KLF16: variants seen among roughly 807,000 people sequenced by gnomAD.
KLF16 encodes the protein Krueppel-like factor 16.
A neutral mutation model predicts 6.1 loss-of-function variants in KLF16; 6 were observed. The ratio of observed to expected loss-of-function variants is 0.98; its 90% CI spans 0.54 to 1.93. The LOEUF (loss-of-function observed/expected upper bound fraction) is 1.93. Among genes scored for constraint, KLF16 ranks in the 30% most tolerant of loss-of-function variants. The pLI, the probability that KLF16 is intolerant of heterozygous loss-of-function variation, is 0.01. For missense variants in KLF16, 355 were observed against 363.8 expected (o/e 0.98, Z 0.20); for synonymous variants, 211 against 176.5 (o/e 1.20, Z -1.55).
the KLF16 span, among the ~76,000 whole-genome samples, chr19:1,874,644 G>GA: frequency 7.2e-6 from 1 of 138,654 alleles, no homozygotes; most frequent in Non-Finnish European, 1.6e-5. Context: ...TTAGCTTAAA[G>GA]AAAAAAATAC....
At position 1,855,275 on chromosome 19, in the gene KLF16, AG is replaced by A. The variant is rs1344901251; in HGVS notation, c.458-516del. 4.6e-5 allele frequency among the ~76,000 whole-genome samples: 7 copies of A among 152,182 alleles called. No homozygotes were observed. In the East Asian group the frequency reaches 5.8e-4, roughly 13 times the overall value. ...CACCTGGGATGCAAAGGCTGGGTTA[AG>A]GGGGTACAATCATGGCAACCTCCCT... On this transcript the variant is annotated intron_variant, in intron 1 of 1. Transcript: ENST00000250916.
chr19:1,860,627 G>A (rs991271857), intron 1 of KLF16, among the ~76,000 whole-genome samples: 1 of 152,062 alleles, frequency 6.6e-6, no homozygotes. Context: ...GATCTTTCCC[G>A]GCCTCCACTC....
chr19:1,857,883 G>A lies in KLF16; in HGVS notation c.458-3123C>T, dbSNP rs1194710703. Among the ~76,000 whole-genome samples, 2 of 152,040 alleles carry A rather than the reference G, an allele frequency of 1.3e-5. No homozygotes were observed. The highest frequency in any genetic ancestry group is 2.4e-5 in the African/African-American group (1 of 41,382). On this transcript the variant is annotated intron_variant, in intron 1 of 1. Transcript: ENST00000250916. The surrounding 1 kb of genome is among the most constrained non-coding windows in gnomAD (Gnocchi z 4.7). ...AGGTGATCCTTGAGCAGGTTCTATA[G>A]AACCTATAGGCAGCTGCTTCTGGGA... is the stretch of plus-strand genomic sequence containing the variant.
rs563583442 is a variant in KLF16, at chr19:1,854,376, G to A, written c.*83C>T. The A allele has an allele frequency of 4.8e-5, 65 of 1,353,476 alleles. No individual in the cohort carries two copies. The South Asian group carries it at 1.1e-3, about 22-fold the overall frequency. The allele number at this position is 1,353,476 out of a possible 1,614,324, so 83.8% of individuals were successfully genotyped here. On this transcript the variant is annotated 3_prime_UTR_variant, in exon 2 of 2. Transcript: ENST00000250916. ...CTTCAGGGTTTGCCCACGGCTGGAAGGGGCCCAGGCTCCCCGTGGGTCCTC... is the reference window on the plus strand; with the variant it reads ...CTTCAGGGTTTGCCCACGGCTGGAAAGGGCCCAGGCTCCCCGTGGGTCCTC...
In KLF16 at chr19:1,853,418, C is replaced by G. The variant is rs1271427589; in HGVS notation, c.*1041G>C. The G allele has an allele frequency of 6.6e-6, 1 of 152,490 alleles. No individual in the cohort carries two copies. Among genetic ancestry groups the G allele is most frequent in the Non-Finnish European group, 1.5e-5 (1 of 68,150 alleles). 9.4% of individuals were successfully genotyped at this position (152,490 alleles called of 1,614,324 possible). A position where few individuals can be genotyped will look rare whatever the true frequency, so the allele number is the denominator to read the frequency against. On this transcript the variant is annotated 3_prime_UTR_variant, in exon 2 of 2. Transcript: ENST00000250916. ...AAGCACCCAGGAGAAGGAGGGGAGG[C>G]CAGGGAAGCAGGGCCGGGCCAGGCT...
upstream of KLF16, among the ~76,000 whole-genome samples, chr19:1,863,786 G>T (rs2012129181): frequency 7.2e-6 from 1 of 138,516 alleles, no homozygotes; most frequent in Admixed American, 7.0e-5. Flanking sequence ...CGAGCCGCGC[G>T]CGGCCGCCGG....
upstream of KLF16, among the ~76,000 whole-genome samples, chr19:1,864,799 G>T (rs954343163): frequency 3.6e-4 from 55 of 152,222 alleles, no homozygotes; most frequent in African/African-American, 1.1e-3. Flanking sequence ...CAGTTCGCAG[G>T]CCCAAGGCGG....
At chr19:1,873,908 G>A in the KLF16 span, among the ~76,000 whole-genome samples, 1 of 152,236 alleles carries the variant, frequency 6.6e-6, no homozygotes, top group African/African-American at 2.4e-5. Context: ...AAGGCGTCTG[G>A]GAGCCCTGCC....
At chr19:1,859,705 C>G (rs1247353725) in intron 1 of KLF16, among the ~76,000 whole-genome samples, 1 of 152,288 alleles carries the variant, frequency 6.6e-6, no homozygotes, top group South Asian at 2.1e-4. Flanking sequence ...CCACCCCCCA[C>G]CCCGCCCCCC....
chr19:1,865,906 G>C (rs541338771), upstream of KLF16, among the ~76,000 whole-genome samples: 121 of 152,332 alleles, frequency 7.9e-4, no homozygotes, highest in African/African-American at 2.8e-3. Context: ...GCTCACGCCT[G>C]GAATGCCAGC....
chr19:1,874,257 G>A, the KLF16 span, among the ~76,000 whole-genome samples: 55 of 152,158 alleles, frequency 3.6e-4, no homozygotes, highest in Non-Finnish European at 6.5e-4. Context: ...ATAATGCAAG[G>A]AGGAGGGGCC....
chr19:1,863,405 G>T lies in KLF16; in HGVS notation c.93C>A (p.Gly31=). The T allele has an allele frequency of 1.0e-6, 1 of 995,704 alleles. No individual in the cohort carries two copies. Among genetic ancestry groups the T allele is most frequent in the Non-Finnish European group, 1.2e-6 (1 of 838,506 alleles). The allele number at this position is 995,704 out of a possible 1,614,324, so 61.7% of individuals were successfully genotyped here. The change falls in exon 1 of 2, where the codon GGC becomes GGA. Residue 31 remains glycine (G), a synonymous_variant. Transcript: ENST00000250916. ...CGGCGGCGGGGCCCGCGCCCTCGGG[G>T]CCGGGCCGCCCGCGGTGCACCACGG... is the stretch of plus-strand genomic sequence containing the variant. ...SGAVVHRGRP[G]PEGAGPAAGL...
At chr19:1,860,888 C>T (rs2012051012) in intron 1 of KLF16, among the ~76,000 whole-genome samples, 1 of 152,110 alleles carries the variant, frequency 6.6e-6, no homozygotes, top group Admixed American at 6.5e-5. Context: ...GTGCCTGGGC[C>T]TGGGACTGCC....
rs1233243605 is a variant in KLF16 at position 1,853,386 on chromosome 19, C to G, written c.*1073G>C. 6.6e-6 allele frequency: 1 copy of G among 152,504 alleles called. No individual in the cohort carries two copies. The highest frequency in any genetic ancestry group is 2.4e-5 in the African/African-American group (1 of 41,460). 9.4% of individuals were successfully genotyped at this position (152,504 alleles called of 1,614,324 possible). On this transcript the variant is annotated 3_prime_UTR_variant, in exon 2 of 2. Coordinates refer to ENST00000250916, the MANE Select transcript of KLF16 (RefSeq NM_031918.4). ...ACCTCAACCACGGGCCAGGACCCAC[C>G]TCTTCCAAGCACCCAGGAGAAGGAG... is the stretch of plus-strand genomic sequence containing the variant.
the KLF16 span, chr19:1,875,103 G>T: frequency 6.6e-6 from 1 of 152,174 alleles, no homozygotes; most frequent in East Asian, 1.9e-4. Context: ...TTATGCTGGT[G>T]GGGGAGGGCG....
the KLF16 span, chr19:1,875,338 C>A: frequency 7.2e-5 from 11 of 152,214 alleles, no homozygotes; most frequent in African/African-American, 2.4e-4. Context: ...CCACCTGTAT[C>A]TGAATGCATG....
chr19:1,858,581 A>C (rs1032691575), intron 1 of KLF16, among the ~76,000 whole-genome samples: 4 of 152,154 alleles, frequency 2.6e-5, no homozygotes, highest in African/African-American at 9.7e-5. Context: ...GTGGAAAAGG[A>C]GAATGCAGGC....
the KLF16 span, among the ~76,000 whole-genome samples, chr19:1,874,492 G>GA: frequency 4.0e-5 from 6 of 148,630 alleles, no homozygotes; most frequent in Admixed American, 6.7e-5. Context: ...AATATATGGG[G>GA]AAAAAAAAAC....
chr19:1,864,327 C>T (rs1024723967), upstream of KLF16, among the ~76,000 whole-genome samples: 4 of 152,202 alleles, frequency 2.6e-5, no homozygotes, highest in Non-Finnish European at 4.4e-5. Context: ...TGACCCCGCA[C>T]TCAGGCATCT....
Sources: gnomAD v4.1 joint callset for allele counts (sites outside exome capture counted in the v4.1 genomes callset) on GRCh38, gnomAD v4.1.1 for gene constraint, Gnocchi (gnomAD v3.1) non-coding constraint, MANE v1.5 for transcripts, NCBI Gene and HGNC (gene_info 2026-07-23, HGNC 2026-07-21) for gene names.